ATP8B4: variants seen among roughly 807,000 people sequenced by gnomAD.
ATP8B4 encodes the protein ATPase phospholipid transporting 8B4 (putative), also known as probable phospholipid-transporting ATPase IM.
Under a neutral mutation model 145.6 loss-of-function variants are expected in ATP8B4, and 133 were observed. That is an observed-to-expected ratio of 0.91 (90% CI 0.79 to 1.05). ATP8B4 has a LOEUF of 1.05. Ranked by LOEUF, ATP8B4 falls within the 50% of genes least tolerant of loss-of-function variation. ATP8B4 has a pLI of 0.00. For missense variants in ATP8B4, 1,458 were observed against 1,425.2 expected (o/e 1.02, Z -0.37); for synonymous variants, 507 against 492.9 (o/e 1.03, Z -0.38).
intron 6 of ATP8B4, among the ~76,000 whole-genome samples, chr15:50,023,779 C>CAAAAAAAAAAAAAAAAAAAAAAAAAAAA (rs60030651): frequency 3.2e-4 from 24 of 75,032 alleles, no homozygotes; most frequent in Non-Finnish European, 4.8e-4. Context: ...AGACCAAAGG[C>CAAAAAAAAAAAAAAAAAAAAAAAAAAAA]AAAAAAAAAA....
At chr15:50,180,304 C>T (rs1045369624) in intron 1 of ATP8B4, among the ~76,000 whole-genome samples, 1 of 152,124 alleles carries the variant, frequency 6.6e-6, no homozygotes, top group African/African-American at 2.4e-5. Context: ...ACCAGAGAGC[C>T]TGAATGAGAA....
At chr15:49,979,865 A>T (rs767028804) in intron 11 of ATP8B4, 52 bp from the exon 12 acceptor site, 7 of 1,311,976 alleles carry the variant, frequency 5.3e-6, no homozygotes, top group East Asian at 4.7e-5. Context: ...AAAATTAGTC[A>T]TATCAACATG....
chr15:49,966,655 C>T (rs2044571221), intron 13 of ATP8B4, among the ~76,000 whole-genome samples: 1 of 152,186 alleles, frequency 6.6e-6, no homozygotes, highest in Non-Finnish European at 1.5e-5. Context: ...CTCCCTGGGA[C>T]AGCGCACCTG....
chr15:50,124,217 G>A (rs754787075), upstream of ATP8B4, among the ~76,000 whole-genome samples: 49 of 151,926 alleles, frequency 3.2e-4, no homozygotes, highest in Non-Finnish European at 5.1e-4. Flanking sequence ...ACTGTGTATT[G>A]GGCCGAAGTT....
At chr15:50,079,430 T>C (rs948175276) in intron 2 of ATP8B4, among the ~76,000 whole-genome samples, 1 of 152,200 alleles carries the variant, frequency 6.6e-6, no homozygotes, top group Admixed American at 6.5e-5. Flanking sequence ...GGAATGCTTG[T>C]CTATTGCCAT....
At chr15:50,174,014 A>G (rs2044727386) in intron 1 of ATP8B4, among the ~76,000 whole-genome samples, 1 of 152,248 alleles carries the variant, frequency 6.6e-6, no homozygotes, top group South Asian at 2.1e-4. Flanking sequence ...AATGTCACAC[A>G]TGACATAAAC....
At chr15:49,900,668 A>G (rs1212622746) in intron 21 of ATP8B4, among the ~76,000 whole-genome samples, 2 of 152,190 alleles carry the variant, frequency 1.3e-5, no homozygotes, top group African/African-American at 2.4e-5. Context: ...ATAATTTCGT[A>G]TAGTAATTAC....
At chr15:50,130,257 C>G (rs149175149) in intron 1 of ATP8B4, among the ~76,000 whole-genome samples, 1,743 of 152,276 alleles carry the variant, frequency 0.011, 121 homozygotes, top group Admixed American at 0.1. Flanking sequence ...TGATATGCTG[C>G]CTTTCCCCAT....
Position 49,979,774 on chromosome 15 carries a change from T to C in ATP8B4, c.877A>G (p.Ile293Val). The change falls in exon 12 of 28, where the codon ATA becomes GTA. Residue 293 changes from isoleucine to valine, a missense_variant. Physicochemically the swap from Ile to Val is conservative, Grantham distance 29. Coordinates refer to ENST00000284509, the MANE Select transcript of ATP8B4 (RefSeq NM_024837.4). ...TGACTCTCCCAGATTGAATTTCCTA[T>C]TGCAAGAATAATTCCCAAGCATATC... ...FLICLGIILA[I>V]GNSIWESQTG... is the part of the protein sequence containing the mutation. The C allele has an allele frequency of 8.7e-6, 14 of 1,607,742 alleles. No individual in the cohort carries two copies. Among genetic ancestry groups the C allele is most frequent in the Non-Finnish European group, 1.2e-5 (14 of 1,176,348 alleles).
intron 7 of ATP8B4, among the ~76,000 whole-genome samples, chr15:50,003,404 T>C (rs2048061575): frequency 6.6e-6 from 1 of 151,722 alleles, no homozygotes; most frequent in African/African-American, 2.4e-5. Context: ...GCAAGGCTCT[T>C]ACACAACTCT....
chr15:49,881,975 T>C (rs762398275), intron 23 of ATP8B4, among the ~76,000 whole-genome samples: 1 of 152,244 alleles, frequency 6.6e-6, no homozygotes, highest in Non-Finnish European at 1.5e-5. Flanking sequence ...GTTTATTTCC[T>C]TCTATCAGCT....
rs930268929 is a variant in ATP8B4 at position 49,933,871 on chromosome 15, A to C, written c.1453+146T>G. 5.0e-6 allele frequency: 4 copies of C among 796,670 alleles called. No individual in the cohort carries two copies. The African/African-American group carries it at 7.2e-5, about 14-fold the overall frequency. 49.4% of individuals were successfully genotyped at this position (796,670 alleles called of 1,614,324 possible). On this transcript the variant is annotated intron_variant, in intron 15 of 27. Coordinates refer to ENST00000284509, the MANE Select transcript of ATP8B4 (RefSeq NM_024837.4). ...TTAACTTGAAAATCCTTCAAATTTAACATCAGTTTCTGTGTTAAAAAACAA... is the reference window on the plus strand; with the variant it reads ...TTAACTTGAAAATCCTTCAAATTTACCATCAGTTTCTGTGTTAAAAAACAA...
intron 25 of ATP8B4, among the ~76,000 whole-genome samples, chr15:49,872,905 T>C (rs1373136754): frequency 1.3e-5 from 2 of 152,160 alleles, no homozygotes; most frequent in Non-Finnish European, 1.5e-5. Context: ...AATTTCATAG[T>C]TTTAACAAAT....
chr15:50,160,486 CG>C (rs1042645380), intron 1 of ATP8B4, among the ~76,000 whole-genome samples: 1 of 144,694 alleles, frequency 6.9e-6, no homozygotes, highest in African/African-American at 2.6e-5. Context: ...GTTTATCTGA[CG>C]TTTTTCTACT....
chr15:49,895,320 T>C (rs1243380499), intron 23 of ATP8B4: 1 of 152,286 alleles, frequency 6.6e-6, no homozygotes, highest in Non-Finnish European at 1.5e-5. Flanking sequence ...AGTACAGTTC[T>C]AGGGGCTAGA....
chr15:50,142,795 T>C (rs1443888556), intron 1 of ATP8B4, among the ~76,000 whole-genome samples: 2 of 152,088 alleles, frequency 1.3e-5, no homozygotes, highest in Admixed American at 6.6e-5. Flanking sequence ...CCCCATGCAA[T>C]CCTCCAAAGT....
At chr15:50,004,186 A>G (rs545869047) in intron 7 of ATP8B4, among the ~76,000 whole-genome samples, 1 of 152,138 alleles carries the variant, frequency 6.6e-6, no homozygotes, top group East Asian at 1.9e-4. Flanking sequence ...CCCTTTTGTT[A>G]ACCTCGTCCT....
chr15:49,963,699 G>A (rs1456752943), intron 13 of ATP8B4, among the ~76,000 whole-genome samples: 1 of 152,162 alleles, frequency 6.6e-6, no homozygotes, highest in African/African-American at 2.4e-5. Context: ...ATAAGTGGGA[G>A]CTGAATGATG....
At chr15:50,060,597 C>T (rs914369094) in intron 3 of ATP8B4, among the ~76,000 whole-genome samples, 1 of 152,106 alleles carries the variant, frequency 6.6e-6, no homozygotes, top group Non-Finnish European at 1.5e-5. Context: ...ATGTAAAGTG[C>T]TTAGCATTGT....
Sources: gnomAD v4.1 joint callset for allele counts (sites outside exome capture counted in the v4.1 genomes callset) on GRCh38, gnomAD v4.1.1 for gene constraint, MANE v1.5 for transcripts, NCBI Gene and HGNC (gene_info 2026-07-23, HGNC 2026-07-21) for gene names.